Variants in AGXT2 observed in about 807,000 individuals in gnomAD.
The protein encoded by AGXT2 is alanine--glyoxylate aminotransferase 2, also known as alanine--glyoxylate aminotransferase 2, mitochondrial.
AGXT2 carries 61 observed loss-of-function variants against 62.5 expected under a neutral mutation model. That is an observed-to-expected ratio of 0.98 (90% CI 0.79 to 1.21). The LOEUF (loss-of-function observed/expected upper bound fraction) is 1.21, where lower values mean the gene tolerates loss of function less well. Ranked by LOEUF, AGXT2 falls within the 50% of genes most tolerant of loss-of-function variation. The probability of loss-of-function intolerance (pLI) is 0.00; values close to 1 mark genes in which losing one functional copy is unlikely to be tolerated. For synonymous variants in AGXT2, 243 were observed against 218.7 expected (o/e 1.11, Z -0.98); for missense variants, 666 against 641.5 (o/e 1.04, Z -0.41).
intron 1 of AGXT2, among the ~76,000 whole-genome samples, chr5:35,047,369 G>A (rs561473187): frequency 6.6e-6 from 1 of 152,258 alleles, no homozygotes; most frequent in South Asian, 2.1e-4. Flanking sequence ...TTTGAGCCTT[G>A]GAGGTCAAGG....
At chr5:35,008,323 T>C (rs1204333893) in intron 12 of AGXT2, among the ~76,000 whole-genome samples, 1 of 152,144 alleles carries the variant, frequency 6.6e-6, no homozygotes, top group Admixed American at 6.5e-5. Context: ...TAAGACAAAG[T>C]TGTGATGAAC....
chr5:35,043,179 A>C (rs990083421), intron 1 of AGXT2, among the ~76,000 whole-genome samples: 9 of 152,214 alleles, frequency 5.9e-5, no homozygotes, highest in African/African-American at 1.9e-4. Context: ...AATGAGAAAA[A>C]TCAAATTTTT....
At chr5:35,024,351 C>T (rs983797835) in intron 9 of AGXT2, among the ~76,000 whole-genome samples, 58 of 152,294 alleles carry the variant, frequency 3.8e-4, no homozygotes, top group Admixed American at 1.2e-3. Context: ...GACATGGCTT[C>T]GGTGGCCCTA....
At position 35,010,103 on chromosome 5, in the gene AGXT2, G is replaced by T; in HGVS notation, c.1235C>A (p.Thr412Asn). 2 of 1,614,132 alleles carry T rather than the reference G, an allele frequency of 1.2e-6. No individual in the cohort carries two copies. The highest frequency in any genetic ancestry group is 1.7e-6 in the Non-Finnish European group (2 of 1,180,020). Residue 412 changes from threonine (T) to asparagine (N), a missense_variant, in exon 12 of 14, where the codon ACC (threonine) becomes AAC (asparagine). Thr to Asn is a moderately conservative substitution (Grantham distance 65). Coordinates refer to ENST00000231420, the MANE Select transcript of AGXT2 (RefSeq NM_031900.4). ...CTTAGCAAACTTTAGTAACATGTAG[G>T]TCCCAACTTCTTGACTGTTTTCCTG... ...NLQENSQEVG[T>N]YMLLKFAKLR...
chr5:35,021,272 C>G (rs1767069562), intron 9 of AGXT2, among the ~76,000 whole-genome samples: 1 of 152,116 alleles, frequency 6.6e-6, no homozygotes, highest in African/African-American at 2.4e-5. Context: ...CAAGTGAATC[C>G]TAAGCCAAAA....
chr5:35,045,771 T>C lies in AGXT2; in HGVS notation c.88+2034A>G, dbSNP rs1343236346. Among the ~76,000 whole-genome samples the C allele has an allele frequency of 6.7e-3, 560 of 83,146 alleles. 5 individuals are homozygous for C. The highest frequency in any genetic ancestry group is 0.016 in the African/African-American group (518 of 32,342). The allele number at this position is 83,146 out of a possible 152,430, so 54.5% of individuals were successfully genotyped here. A position where few individuals can be genotyped will look rare whatever the true frequency, so the allele number is the denominator to read the frequency against. On this transcript the variant is annotated intron_variant, in intron 1 of 13. Coordinates refer to ENST00000231420, the MANE Select transcript of AGXT2 (RefSeq NM_031900.4). ...TTTTTCTTTTTCTTTTTTCTTTTTT[T>C]TTTTTTTTTTTTTTGAGAAGGAGTC... is the stretch of plus-strand genomic sequence containing the variant.
chr5:35,018,804 T>C (rs1430009721), intron 9 of AGXT2, among the ~76,000 whole-genome samples: 1 of 141,322 alleles, frequency 7.1e-6, no homozygotes, highest in Non-Finnish European at 1.5e-5. Context: ...TCAAGACCCA[T>C]CAGTGTGCTG....
chr5:35,009,412 A>G (rs1039111133), intron 12 of AGXT2, among the ~76,000 whole-genome samples: 3 of 152,276 alleles, frequency 2.0e-5, no homozygotes, highest in Non-Finnish European at 2.9e-5. Context: ...CCTGGGCAAT[A>G]TGGCAAAACC....
intron 11 of AGXT2, 42 bp from the exon 12 acceptor site, chr5:35,010,191 T>C (rs776555488): frequency 6.2e-7 from 1 of 1,613,188 alleles, no homozygotes; most frequent in South Asian, 1.1e-5. Flanking sequence ...TGGCAGAAGT[T>C]CTAAGATTGA....
intron 9 of AGXT2, among the ~76,000 whole-genome samples, chr5:35,014,823 C>A (rs1462118323): frequency 6.6e-6 from 1 of 152,148 alleles, no homozygotes; most frequent in Non-Finnish European, 1.5e-5. Flanking sequence ...GAAGCTGAGT[C>A]TGCCCCAGGA....
intron 1 of AGXT2, among the ~76,000 whole-genome samples, chr5:35,041,917 T>A (rs1768006091): frequency 6.6e-6 from 1 of 152,214 alleles, no homozygotes; most frequent in African/African-American, 2.4e-5. Flanking sequence ...CAAGTGACTT[T>A]TGGTTATCCA....
chr5:35,019,234 T>A (rs1342447871), intron 9 of AGXT2, among the ~76,000 whole-genome samples: 7 of 139,998 alleles, frequency 5.0e-5, no homozygotes, highest in Admixed American at 2.2e-4. Flanking sequence ...CTAATAGACA[T>A]CTACAGAACT....
chr5:35,024,387 T>C (rs2112238460), intron 9 of AGXT2, among the ~76,000 whole-genome samples: 1 of 152,282 alleles, frequency 6.6e-6, no homozygotes, highest in South Asian at 2.1e-4. Context: ...TCTTTTAATC[T>C]CCATAGCTAC....
chr5:35,003,000 G>A (rs1370962322), intron 13 of AGXT2, among the ~76,000 whole-genome samples: 1 of 152,180 alleles, frequency 6.6e-6, no homozygotes, highest in Non-Finnish European at 1.5e-5. Flanking sequence ...GGACAAATTA[G>A]GGAGGAGCAG....
intron 9 of AGXT2, among the ~76,000 whole-genome samples, chr5:35,021,169 A>G (rs1767065252): frequency 1.3e-5 from 2 of 152,240 alleles, no homozygotes; most frequent in African/African-American, 2.4e-5. Flanking sequence ...TACAGATTCA[A>G]TGCCATCCCC....
chr5:35,036,669 C>T (rs973264019), intron 4 of AGXT2, among the ~76,000 whole-genome samples: 1 of 152,158 alleles, frequency 6.6e-6, no homozygotes, highest in Non-Finnish European at 1.5e-5. Context: ...AGAGAGCAAC[C>T]AAAGAGAGGC....
intron 3 of AGXT2, among the ~76,000 whole-genome samples, chr5:35,037,856 G>A (rs1240021171): frequency 6.6e-6 from 1 of 152,226 alleles, no homozygotes; most frequent in Non-Finnish European, 1.5e-5. Context: ...TTCATACTGA[G>A]AGATAATAGG....
chr5:35,012,133 T>C (rs1766666933), intron 11 of AGXT2, among the ~76,000 whole-genome samples: 1 of 152,072 alleles, frequency 6.6e-6, no homozygotes, highest in African/African-American at 2.4e-5. Context: ...GGGTACAATG[T>C]ACACTACTTG....
chr5:35,024,334 G>A (rs1419176250), intron 9 of AGXT2, among the ~76,000 whole-genome samples: 1 of 152,200 alleles, frequency 6.6e-6, no homozygotes, highest in Non-Finnish European at 1.5e-5. Flanking sequence ...TAGTCACCCA[G>A]CAGTGAGACA....
Sources: gnomAD v4.1 joint callset for allele counts (sites outside exome capture counted in the v4.1 genomes callset) on GRCh38, gnomAD v4.1.1 for gene constraint, MANE v1.5 for transcripts, NCBI Gene and HGNC (gene_info 2026-07-23, HGNC 2026-07-21) for gene names.